The following ATP2C1 variants were observed in gnomAD, a reference collection of about 807,000 sequenced individuals.
The protein encoded by ATP2C1 is calcium-transporting ATPase type 2C member 1.
ATP2C1 carries 31 observed loss-of-function variants against 120.5 expected under a neutral mutation model. The ratio of observed to expected loss-of-function variants is 0.26; its 90% CI spans 0.19 to 0.35. ATP2C1 has a LOEUF of 0.35. Among genes scored for constraint, ATP2C1 ranks in the 10% least tolerant of loss-of-function variants. The pLI is 1.00. For missense variants in ATP2C1, 731 were observed against 1,107.5 expected, an observed-to-expected ratio of 0.66 and a Z score of 4.83; for synonymous variants, 351 against 358.7, an observed-to-expected ratio of 0.98 and a Z score of 0.24.
chr3:130,976,337 C>A (rs141505692), intron 18 of ATP2C1, among the ~76,000 whole-genome samples: 3 of 152,202 alleles, frequency 2.0e-5, no homozygotes, highest in Non-Finnish European at 4.4e-5. Context: ...GGTACTCTTA[C>A]CAGCAGAGAA....
intron 3 of ATP2C1, 49 bp from the exon 4 acceptor site, chr3:130,931,973 C>T (rs1412097682): frequency 4.0e-6 from 5 of 1,237,090 alleles, no homozygotes; most frequent in African/African-American, 3.0e-5. Context: ...TTGTGTTTTT[C>T]TTTTCTGTGC....
chr3:130,921,893 ATATT>A (rs1559926219), intron 2 of ATP2C1, among the ~76,000 whole-genome samples: 1 of 152,100 alleles, frequency 6.6e-6, no homozygotes, highest in Non-Finnish European at 1.5e-5. Flanking sequence ...TTTTGCATCT[ATATT>A]TATTAAGGAT....
rs1452489303 is a variant in ATP2C1, at chr3:131,016,246, A to G, written c.*57A>G. ...CTGACAGAAGATGTGAGCTGTGTCT[A>G]AGTCCAGTCTTGTGCCCAGCCGTGT... is the stretch of plus-strand genomic sequence containing the variant. On this transcript the variant is annotated 3_prime_UTR_variant, in exon 27 of 27. Coordinates refer to the ATP2C1 transcript ENST00000328560. The G allele has an allele frequency of 1.2e-6, 2 of 1,614,030 alleles. No homozygotes were observed. Among genetic ancestry groups the G allele is most frequent in the African/African-American group, 1.3e-5 (1 of 74,918 alleles).
rs547168298 is a variant in ATP2C1 at position 130,974,663 on chromosome 3, G to C, written c.1414-669G>C. On this transcript the variant is annotated intron_variant, in intron 17 of 27. Transcript: ENST00000510168. ...GCTATATCATAAAGATGGGGAGGGG[G>C]GGAATAGATAGTGGAAATGGGGAAA... Among the ~76,000 whole-genome samples, 40 of 152,032 alleles carry C rather than the reference G, an allele frequency of 2.6e-4. No individual in the cohort carries two copies. The South Asian group carries it at 5.0e-3, about 19-fold the overall frequency.
At chr3:130,972,646 C>T (rs2061376683) in intron 17 of ATP2C1, among the ~76,000 whole-genome samples, 1 of 136,056 alleles carries the variant, frequency 7.3e-6, no homozygotes. Context: ...CAACAGTCCC[C>T]AGAGTGTTCT....
chr3:130,984,491 C>G (rs757609736), intron 20 of ATP2C1, among the ~76,000 whole-genome samples: 16 of 152,172 alleles, frequency 1.1e-4, no homozygotes, highest in Non-Finnish European at 2.2e-4. Flanking sequence ...ACCTCCAGCC[C>G]CACTTCCCTC....
chr3:130,975,539 T>G (rs377305949), intron 18 of ATP2C1, 51 bp downstream of exon 18: 1 of 1,575,726 alleles, frequency 6.3e-7, no homozygotes, highest in African/African-American at 1.4e-5. Flanking sequence ...GAGCCTTCTT[T>G]TAATTGCAGA....
At chr3:130,866,024 T>G (rs2068165924) in intron 1 of ATP2C1, among the ~76,000 whole-genome samples, 1 of 152,210 alleles carries the variant, frequency 6.6e-6, no homozygotes, top group African/African-American at 2.4e-5. Context: ...ATCCTATTCT[T>G]AGCTGAAACT....
intron 26 of ATP2C1, chr3:131,014,393 C>T (rs1184925064): frequency 1.3e-6 from 2 of 1,553,294 alleles, no homozygotes; most frequent in Non-Finnish European, 8.7e-7. Context: ...ACAGTCTGTT[C>T]AAAGCAAGAA....
chr3:130,934,098 G>A (rs977764790), intron 4 of ATP2C1, among the ~76,000 whole-genome samples: 1 of 152,074 alleles, frequency 6.6e-6, no homozygotes, highest in Non-Finnish European at 1.5e-5. Flanking sequence ...GATTTGCTGT[G>A]GTAGATAGAA....
At chr3:131,008,478 C>T (rs2063200400) in intron 26 of ATP2C1, among the ~76,000 whole-genome samples, 1 of 150,900 alleles carries the variant, frequency 6.6e-6, no homozygotes, top group African/African-American at 2.4e-5. Context: ...TGGTCAAATT[C>T]TCCTGTTGCT....
intron 8 of ATP2C1, among the ~76,000 whole-genome samples, chr3:130,947,504 T>G (rs1381455178): frequency 1.3e-5 from 2 of 152,212 alleles, no homozygotes; most frequent in East Asian, 3.9e-4. Context: ...ATTCTGGACA[T>G]TTCATATAAG....
chr3:130,919,852 G>T (rs1437033180), intron 2 of ATP2C1, among the ~76,000 whole-genome samples: 1 of 152,142 alleles, frequency 6.6e-6, no homozygotes, highest in African/African-American at 2.4e-5. Context: ...CAGTAGTTGT[G>T]TTTTGTTTTG....
chr3:130,853,766 C>T (rs914015351), intron 1 of ATP2C1, among the ~76,000 whole-genome samples: 1 of 152,162 alleles, frequency 6.6e-6, no homozygotes, highest in Non-Finnish European at 1.5e-5. Context: ...TTCGTGCACC[C>T]ATGCACACAT....
chr3:130,886,416 A>G (rs1372099009), intron 1 of ATP2C1, among the ~76,000 whole-genome samples: 3 of 152,176 alleles, frequency 2.0e-5, no homozygotes, highest in Non-Finnish European at 4.4e-5. Context: ...ATCCCTTTGA[A>G]TAAACTTTCC....
At chr3:130,962,715 T>TAAAAAAAAAAAAAAAAGAAAAAA (rs2060875032) in intron 12 of ATP2C1, among the ~76,000 whole-genome samples, 1 of 114,212 alleles carries the variant, frequency 8.8e-6, no homozygotes, top group Non-Finnish European at 1.8e-5. Context: ...ATGGAAGCAT[T>TAAAAAAAAAAAAAAAAGAAAAAA]AAAAAAAAAA....
chr3:130,868,525 AG>A (rs2107758118), intron 1 of ATP2C1: 1 of 81,420 alleles, frequency 1.2e-5, no homozygotes, highest in Non-Finnish European at 2.6e-5. Flanking sequence ...CTGCCCGGCC[AG>A]CCGCCCCGCC....
chr3:130,951,820 T>C (rs2060380812), intron 8 of ATP2C1, among the ~76,000 whole-genome samples: 1 of 152,222 alleles, frequency 6.6e-6, no homozygotes, highest in Non-Finnish European at 1.5e-5. Context: ...AAGCTTATTT[T>C]GATACTAAAA....
intron 17 of ATP2C1, among the ~76,000 whole-genome samples, chr3:130,973,474 A>C (rs1361164637): frequency 6.6e-6 from 1 of 152,144 alleles, no homozygotes. Flanking sequence ...AACCATGAAT[A>C]ATATTGAACC....
Sources: allele counts gnomAD v4.1 joint callset (sites outside exome capture counted in the v4.1 genomes callset), GRCh38; gene constraint gnomAD v4.1.1; transcripts MANE v1.5; gene names NCBI Gene and HGNC (gene_info 2026-07-23, HGNC 2026-07-21).